AFF4: variants seen among roughly 807,000 people sequenced by gnomAD.
AFF4 encodes the protein ALF transcription elongation factor 4.
AFF4 carries 13 observed loss-of-function variants against 124.8 expected under a neutral mutation model. That is an observed-to-expected ratio of 0.10 (90% CI 0.07 to 0.17). The LOEUF is 0.17. Ranked by LOEUF, AFF4 falls within the 10% of genes least tolerant of loss-of-function variation. AFF4 has a pLI of 1.00. For missense variants in AFF4, 1,092 were observed against 1,403.8 expected (o/e 0.78, Z 3.55); for synonymous variants, 477 against 496.1 (o/e 0.96, Z 0.51).
chr5:132,958,827 A>AAT (rs1241529197), intron 1 of AFF4, among the ~76,000 whole-genome samples: 7 of 152,112 alleles, frequency 4.6e-5, no homozygotes, highest in African/African-American at 1.7e-4. Flanking sequence ...ATTAGGCCCA[A>AAT]AGCAACTCCA....
rs575194818 is a variant in AFF4, at chr5:132,963,270, G to A, written c.-16C>T. 1.8e-5 allele frequency: 7 copies of A among 394,484 alleles called. No homozygotes were observed. The East Asian group carries it at 1.8e-4, about 10-fold the overall frequency. The allele number at this position is 394,484 out of a possible 1,614,324, so 24.4% of individuals were successfully genotyped here. A position where few individuals can be genotyped will look rare whatever the true frequency, so the allele number is the denominator to read the frequency against. ...TCGGCCCTTCTTACCTCCAGTCCCG[G>A]CTCCGCTAGGCCCGAACCATCTCCT... On this transcript the variant is annotated 5_prime_UTR_variant, in exon 1 of 21. Transcript: ENST00000265343.
chr5:132,931,843 C>T (rs59707248), intron 4 of AFF4, among the ~76,000 whole-genome samples: 17,543 of 152,184 alleles, frequency 0.12, 1,281 homozygotes, highest in South Asian at 0.19. Flanking sequence ...ACTCAGGAGG[C>T]TAAGGTTAAA....
chr5:132,890,930 C>T (rs969412645), intron 13 of AFF4, among the ~76,000 whole-genome samples: 1 of 151,790 alleles, frequency 6.6e-6, no homozygotes, highest in Admixed American at 6.6e-5. Context: ...GAAGCATACA[C>T]AGTGATTTTT....
intron 17 of AFF4, among the ~76,000 whole-genome samples, chr5:132,886,921 G>C (rs568256903): frequency 6.6e-6 from 1 of 152,166 alleles, no homozygotes; most frequent in African/African-American, 2.4e-5. Flanking sequence ...CCTCTAAATA[G>C]AGTAGGTCTC....
intron 10 of AFF4, 41 bp downstream of exon 10, chr5:132,898,189 T>C (rs970083655): frequency 3.1e-6 from 5 of 1,610,246 alleles, no homozygotes; most frequent in Non-Finnish European, 4.2e-6. Context: ...CCAAGGACCC[T>C]GAGAGGGCCT....
rs188626469 is a variant in AFF4 at position 132,886,478 on chromosome 5, T to C, written c.3006-75A>G. On this transcript the variant is annotated intron_variant, in intron 17 of 20. Transcript: ENST00000265343. The stretch of plus-strand genomic sequence containing the variant: ...CAGATTTGCACAGACAGCCTTTGCA[T>C]TGTGCAGGAGACTGGCTCATGTGAC... 5.0e-5 allele frequency: 68 copies of C among 1,362,428 alleles called. 1 individual carries two copies. In the African/African-American group the frequency reaches 7.4e-4, roughly 15 times the overall value. 84.4% of individuals were successfully genotyped at this position (1,362,428 alleles called of 1,614,324 possible).
intron 13 of AFF4, among the ~76,000 whole-genome samples, chr5:132,890,267 G>A (rs1008488062): frequency 2.0e-5 from 3 of 151,664 alleles, no homozygotes; most frequent in African/African-American, 7.3e-5. Context: ...CTTTTCCTCT[G>A]TTTTATTTAT....
chr5:132,937,286 G>A (rs1761454567), intron 1 of AFF4, 93 bp from the exon 2 acceptor site: 29 of 1,401,082 alleles, frequency 2.1e-5, no homozygotes, highest in Non-Finnish European at 2.5e-5. Flanking sequence ...TTCAATCACA[G>A]ATTCCCTTTT....
intron 19 of AFF4, among the ~76,000 whole-genome samples, chr5:132,884,264 C>T (rs67045943): frequency 0.12 from 17,564 of 152,240 alleles, 1,287 homozygotes; most frequent in South Asian, 0.2. Context: ...TTTGGAGACA[C>T]TCATGCTCTG....
At position 132,875,679 on chromosome 5, in the gene AFF4, C is replaced by A. The variant is rs1200173014; in HGVS notation, c.*5380G>T. 5.0e-6 allele frequency: 1 copy of A among 201,210 alleles called. No homozygotes were observed. Among genetic ancestry groups the A allele is most frequent in the African/African-American group, 2.3e-5 (1 of 43,588 alleles). The allele number at this position is 201,210 out of a possible 1,614,324, so 12.5% of individuals were successfully genotyped here. ...TAGTTAGTATATAATACTTTGCTCA[C>A]CATTAACAGCTTTATCGTGTGAAAT... is the stretch of plus-strand genomic sequence containing the variant. On this transcript the variant is annotated 3_prime_UTR_variant, in exon 21 of 21. Transcript: ENST00000265343.
rs1322999939 is a variant in AFF4, at chr5:132,877,559, T to G, written c.*3500A>C. On this transcript the variant is annotated 3_prime_UTR_variant, in exon 21 of 21. Transcript: ENST00000265343. Reference sequence around the variant, plus strand: ...ATATAAAGTGTGTATGTGTACAGAATTTTAAGATCCAAAGTTGCATACCCT... The same window carrying G: ...ATATAAAGTGTGTATGTGTACAGAAGTTTAAGATCCAAAGTTGCATACCCT... 4.8e-6 allele frequency: 1 copy of G among 208,466 alleles called. No homozygotes were observed. The highest frequency in any genetic ancestry group is 9.8e-6 in the Non-Finnish European group (1 of 102,156). The allele number at this position is 208,466 out of a possible 1,614,324, so 12.9% of individuals were successfully genotyped here.
chr5:132,948,161 G>A (rs1044859978), intron 1 of AFF4, among the ~76,000 whole-genome samples: 3 of 151,742 alleles, frequency 2.0e-5, no homozygotes, highest in Admixed American at 6.6e-5. Flanking sequence ...AGCAATTCTC[G>A]TGCCTCAGCC....
rs561422440 is a variant in AFF4, at chr5:132,901,252, G to A, written c.1133+1190C>T. 3.3e-5 allele frequency: 21 copies of A among 630,240 alleles called. No homozygotes were observed. In the Admixed American group the frequency reaches 5.0e-4, roughly 15 times the overall value. The allele number at this position is 630,240 out of a possible 1,614,324, so 39.0% of individuals were successfully genotyped here. A position where few individuals can be genotyped will look rare whatever the true frequency, so the allele number is the denominator to read the frequency against. The stretch of plus-strand genomic sequence containing the variant: ...CTTTTACCAGACTGCTCAGGGCCCT[G>A]CACGCTTTTGTTCCCTCACAATCAA... On this transcript the variant is annotated intron_variant, in intron 7 of 20. Coordinates refer to ENST00000265343, the MANE Select transcript of AFF4 (RefSeq NM_014423.4).
chr5:132,914,398 C>T (rs1163780923), intron 5 of AFF4, among the ~76,000 whole-genome samples: 2 of 149,998 alleles, frequency 1.3e-5, no homozygotes, highest in Non-Finnish European at 3.0e-5. Context: ...GTCAGGAGTT[C>T]GAGACCAGCC....
intron 20 of AFF4, 23 bp downstream of exon 20, chr5:132,883,317 A>G: frequency 6.2e-7 from 1 of 1,605,376 alleles, no homozygotes; most frequent in Non-Finnish European, 8.5e-7. Context: ...CATCCCTTGA[A>G]GTTTATCCAG....
intron 1 of AFF4, among the ~76,000 whole-genome samples, chr5:132,959,482 T>G (rs1762032806): frequency 6.6e-6 from 1 of 152,122 alleles, no homozygotes; most frequent in Non-Finnish European, 1.5e-5. Context: ...TTTTTTTTCT[T>G]CAAAAATAGA....
At chr5:132,918,456 G>C (rs1205212316) in intron 5 of AFF4, among the ~76,000 whole-genome samples, 1 of 152,180 alleles carries the variant, frequency 6.6e-6, no homozygotes, top group Non-Finnish European at 1.5e-5. Flanking sequence ...GAGGTCAGGA[G>C]TTAGAGACCA....
intron 5 of AFF4, among the ~76,000 whole-genome samples, chr5:132,926,391 C>G (rs1761171499): frequency 6.6e-6 from 1 of 152,106 alleles, no homozygotes; most frequent in East Asian, 1.9e-4. Flanking sequence ...TTTAAACAAC[C>G]TTGGAACTGT....
At chr5:132,954,463 C>G (rs1388685894) in intron 1 of AFF4, among the ~76,000 whole-genome samples, 1 of 152,056 alleles carries the variant, frequency 6.6e-6, no homozygotes, top group African/African-American at 2.4e-5. Context: ...CAGGAATTAA[C>G]CCCATACCGG....
Sources: gnomAD v4.1 joint callset for allele counts (sites outside exome capture counted in the v4.1 genomes callset) on GRCh38, gnomAD v4.1.1 for gene constraint, MANE v1.5 for transcripts, NCBI Gene and HGNC (gene_info 2026-07-23, HGNC 2026-07-21) for gene names.